C6orf62: variants seen among roughly 807,000 people sequenced by gnomAD.
The protein encoded by C6orf62 is chromosome 6 open reading frame 62.
A neutral mutation model predicts 26.8 loss-of-function variants in C6orf62; 16 were observed. That is an observed-to-expected ratio of 0.60 (90% confidence interval 0.40 to 0.91). The LOEUF (loss-of-function observed/expected upper bound fraction) is 0.91. C6orf62 is among the 40% of genes least tolerant of loss of function. The pLI is 0.00. For missense variants in C6orf62, 192 were observed against 271.4 expected (o/e 0.71, Z 2.06); for synonymous variants, 112 against 91.5 (o/e 1.22, Z -1.28).
chr6:24,709,442 T>C, intron 3 of C6orf62: 1 of 983,554 alleles, frequency 1.0e-6, no homozygotes, highest in Non-Finnish European at 1.2e-6. Flanking sequence ...CTGTTTATTC[T>C]AACCCTAGCT....
chr6:24,709,645 T>C (rs1470887714), intron 3 of C6orf62: 38 of 985,326 alleles, frequency 3.9e-5, no homozygotes, highest in Non-Finnish European at 4.6e-5. Flanking sequence ...ACAGTTAGCC[T>C]TGGGTCATTC....
upstream of C6orf62, chr6:24,719,991 G>C: frequency 6.5e-7 from 1 of 1,539,176 alleles, no homozygotes; most frequent in Non-Finnish European, 8.8e-7. Flanking sequence ...AAATAATTGT[G>C]TTAATATTAC....
intron 3 of C6orf62, among the ~76,000 whole-genome samples, chr6:24,711,490 T>C (rs1779119662): frequency 6.6e-6 from 1 of 152,086 alleles, no homozygotes; most frequent in East Asian, 1.9e-4. Context: ...ACCCATATAT[T>C]CAGGTTTTAC....
At chr6:24,707,759 T>C (rs2127632223) in intron 4 of C6orf62, among the ~76,000 whole-genome samples, 1 of 152,166 alleles carries the variant, frequency 6.6e-6, no homozygotes, top group East Asian at 1.9e-4. Context: ...ATCCCAGCAC[T>C]TTGGTAGGCC....
In C6orf62 at chr6:24,705,690, T is replaced by C. The variant is rs548373908; in HGVS notation, c.*447A>G. ...CAGTGCTCTGGAACAACTGTGATTA[T>C]AGCAAAGTTATTGTTTTTAAAAATG... is the stretch of plus-strand genomic sequence containing the variant. On this transcript the variant is annotated 3_prime_UTR_variant, in exon 5 of 5. Coordinates refer to ENST00000378119, the MANE Select transcript of C6orf62 (RefSeq NM_030939.5). 6.5e-6 allele frequency: 1 copy of C among 153,438 alleles called. No homozygotes were observed. The highest frequency in any genetic ancestry group is 1.9e-4 in the East Asian group (1 of 5,238). 9.5% of individuals were successfully genotyped at this position (153,438 alleles called of 1,614,324 possible). A position where few individuals can be genotyped will look rare whatever the true frequency, so the allele number is the denominator to read the frequency against.
chr6:24,720,204 C>T (rs1001845432), upstream of C6orf62: 14 of 1,356,134 alleles, frequency 1.0e-5, no homozygotes, highest in Admixed American at 3.2e-4. Context: ...CCGCGGAGCC[C>T]GGGACTCACG....
upstream of C6orf62, chr6:24,719,701 G>A (rs1479914648): frequency 2.7e-6 from 4 of 1,488,916 alleles, no homozygotes; most frequent in Middle Eastern, 2.4e-4. Flanking sequence ...ATCTGCCCCC[G>A]TTCAAAATGG....
At chr6:24,710,611 G>A (rs1432215148) in intron 3 of C6orf62, 5 of 978,750 alleles carry the variant, frequency 5.1e-6, no homozygotes, top group Admixed American at 6.2e-5. Flanking sequence ...AAAAAAAAAA[G>A]TAACAGTAAG....
At chr6:24,719,747 G>A (rs536908728), upstream of C6orf62, 3,095 of 1,540,264 alleles carry the variant, frequency 2.0e-3, 5 homozygotes, top group Middle Eastern at 7.3e-3. Context: ...GAGCATTGCC[G>A]AGGCAAAGGT....
intron 3 of C6orf62, 129 bp downstream of exon 3, chr6:24,714,189 T>TA: frequency 3.0e-6 from 2 of 671,856 alleles, no homozygotes; most frequent in Non-Finnish European, 4.7e-6. Context: ...CACAATATTC[T>TA]AAATAGGGGA....
upstream of C6orf62, chr6:24,720,511 GA>G: frequency 2.1e-6 from 1 of 466,490 alleles, no homozygotes; most frequent in Non-Finnish European, 2.9e-6. Flanking sequence ...GAGAGAAAAA[GA>G]AAAAGAGGAA....
chr6:24,706,386 C>T, intron 4 of C6orf62, 124 bp from the exon 5 acceptor site: 1 of 1,377,530 alleles, frequency 7.3e-7, no homozygotes, highest in Non-Finnish European at 9.7e-7. Flanking sequence ...AATTGTAGTC[C>T]CTATCCATAT....
intron 3 of C6orf62, chr6:24,710,598 G>GA (rs10718318): frequency 0.018 from 13,709 of 752,732 alleles, no homozygotes; most frequent in South Asian, 0.02. Context: ...CACTATAGGA[G>GA]AAAAAAAAAA....
At position 24,709,755 on chromosome 6, in the gene C6orf62, A is replaced by G. The variant is rs758093296; in HGVS notation, c.430-844T>C. On this transcript the variant is annotated intron_variant, in intron 3 of 4. Transcript: ENST00000378119. ...AAGATCAACTCCATCCTCCCACAAA[A>G]TATCTGTTGGGCATGGTGAGACACC... 385 of 985,442 alleles carry G rather than the reference A, an allele frequency of 3.9e-4. 1 individual carries two copies. Among genetic ancestry groups the G allele is most frequent in the Middle Eastern group, 5.2e-4 (1 of 1,914 alleles). 61.0% of individuals were successfully genotyped at this position (985,442 alleles called of 1,614,324 possible). A position where few individuals can be genotyped will look rare whatever the true frequency, so the allele number is the denominator to read the frequency against.
chr6:24,716,691 T>A (rs1237502853), intron 1 of C6orf62, among the ~76,000 whole-genome samples: 3 of 152,128 alleles, frequency 2.0e-5, no homozygotes, highest in Non-Finnish European at 4.4e-5. Flanking sequence ...ACTTTCTCAA[T>A]ATTACATTAT....
chr6:24,708,254 T>TAA (rs1476709689), intron 4 of C6orf62, among the ~76,000 whole-genome samples: 1 of 76,212 alleles, frequency 1.3e-5, no homozygotes, highest in Non-Finnish European at 2.9e-5. Flanking sequence ...TTTTTCCCGT[T>TAA]TAAAAAAAAA....
chr6:24,707,955 G>A (rs896222882), intron 4 of C6orf62, among the ~76,000 whole-genome samples: 6 of 150,490 alleles, frequency 4.0e-5, no homozygotes, highest in African/African-American at 9.7e-5. Context: ...AGCTTGCAGC[G>A]AACTGAGATT....
rs1779294120 is a variant in C6orf62, at chr6:24,718,921, A to G, written c.-253T>C. On this transcript the variant is annotated 5_prime_UTR_variant, in exon 1 of 5. Coordinates refer to ENST00000378119, the MANE Select transcript of C6orf62 (RefSeq NM_030939.5). Reference sequence around the variant, plus strand: ...TAACGTTTGGGGTCAGACGGGAAAAAGGGAGGAAAGAAAGGAAAGAAAGAG... The same window carrying G: ...TAACGTTTGGGGTCAGACGGGAAAAGGGGAGGAAAGAAAGGAAAGAAAGAG... 2.4e-5 allele frequency: 31 copies of G among 1,269,452 alleles called. No homozygotes were observed. The highest frequency in any genetic ancestry group is 8.1e-5 in the Admixed American group (2 of 24,556). The allele number at this position is 1,269,452 out of a possible 1,614,324, so 78.6% of individuals were successfully genotyped here. A position where few individuals can be genotyped will look rare whatever the true frequency, so the allele number is the denominator to read the frequency against.
At chr6:24,719,903 T>C (rs1262710031), upstream of C6orf62, 3 of 1,550,336 alleles carry the variant, frequency 1.9e-6, no homozygotes, top group Non-Finnish European at 2.6e-6. Flanking sequence ...TTCACTCATT[T>C]CATCGTGGAA....
Sources: gnomAD v4.1 joint callset for allele counts (sites outside exome capture counted in the v4.1 genomes callset) on GRCh38, gnomAD v4.1.1 for gene constraint, MANE v1.5 for transcripts, NCBI Gene and HGNC (gene_info 2026-07-23, HGNC 2026-07-21) for gene names.